POGZ: variants seen among roughly 807,000 people sequenced by gnomAD.
The protein encoded by POGZ is pogo transposable element with ZNF domain.
In POGZ, 17 loss-of-function variants were observed where a neutral mutation model predicts 134.6. That is an observed-to-expected ratio of 0.13 (90% CI 0.09 to 0.19). The LOEUF (loss-of-function observed/expected upper bound fraction) is 0.19, where lower values mean the gene tolerates loss of function less well. Ranked by LOEUF, POGZ falls within the 10% of genes least tolerant of loss-of-function variation. The probability of loss-of-function intolerance (pLI) is 1.00; values close to 1 mark genes in which losing one functional copy is unlikely to be tolerated. For missense variants in POGZ, 1,306 were observed against 1,769.7 expected, an observed-to-expected ratio of 0.74 and a Z score of 4.70; for synonymous variants, 693 against 657.1, an observed-to-expected ratio of 1.05 and a Z score of -0.84.
At chr1:151,417,756 T>C (rs993335492) in intron 10 of POGZ, among the ~76,000 whole-genome samples, 4 of 151,160 alleles carry the variant, frequency 2.6e-5, no homozygotes, top group Non-Finnish European at 4.4e-5. Flanking sequence ...TAGAGCTACA[T>C]ATTAAAATAT....
At chr1:151,423,645 G>T in intron 9 of POGZ, 94 bp from the exon 10 acceptor site, 2 of 977,686 alleles carry the variant, frequency 2.0e-6, no homozygotes, top group Non-Finnish European at 3.0e-6. Context: ...AACATTATCT[G>T]CTCCCCTCCA....
chr1:151,445,144 A>G (rs898500514), intron 1 of POGZ, among the ~76,000 whole-genome samples: 2 of 152,220 alleles, frequency 1.3e-5, no homozygotes, highest in African/African-American at 4.8e-5. Flanking sequence ...CTACTTTTTA[A>G]TCAAGTGAGA....
chr1:151,414,450 T>G (rs948096885), intron 10 of POGZ, among the ~76,000 whole-genome samples: 1 of 152,202 alleles, frequency 6.6e-6, no homozygotes, highest in African/African-American at 2.4e-5. Context: ...ATAAAAACAC[T>G]TATTAAGCAA....
chr1:151,416,316 G>A (rs1010493215), intron 10 of POGZ, among the ~76,000 whole-genome samples: 1 of 151,654 alleles, frequency 6.6e-6, no homozygotes, highest in Non-Finnish European at 1.5e-5. Flanking sequence ...CAGCACTCTG[G>A]GAGGCCAAAG....
intron 1 of POGZ, among the ~76,000 whole-genome samples, chr1:151,458,692 G>A (rs1663088662): frequency 7.2e-6 from 1 of 139,096 alleles, no homozygotes; most frequent in South Asian, 2.3e-4. Context: ...CCGCGCCCCC[G>A]CCCCCGCCCC....
At chr1:151,411,516 A>T in intron 12 of POGZ, 109 bp downstream of exon 12, 1 of 706,260 alleles carries the variant, frequency 1.4e-6, no homozygotes, top group Non-Finnish European at 2.4e-6. Context: ...AAACATATGC[A>T]TATTATAATC....
At chr1:151,418,215 C>CA (rs756434071) in intron 10 of POGZ, among the ~76,000 whole-genome samples, 3,578 of 137,202 alleles carry the variant, frequency 0.026, 126 homozygotes, top group African/African-American at 0.087. Flanking sequence ...GACTCCTTCT[C>CA]AAAAAAAAAA....
intron 10 of POGZ, among the ~76,000 whole-genome samples, chr1:151,423,001 T>C (rs1162168537): frequency 1.3e-5 from 2 of 152,234 alleles, no homozygotes; most frequent in Non-Finnish European, 2.9e-5. Context: ...TTGAAAGCAA[T>C]GTCTTAATGA....
intron 1 of POGZ, among the ~76,000 whole-genome samples, chr1:151,447,876 T>C (rs1661500029): frequency 6.6e-6 from 1 of 152,110 alleles, no homozygotes; most frequent in Admixed American, 6.6e-5. Context: ...AGTTGGCTGC[T>C]GAGTCCTTCT....
intron 7 of POGZ, among the ~76,000 whole-genome samples, chr1:151,426,000 T>C (rs1180676417): frequency 1.3e-5 from 2 of 152,162 alleles, no homozygotes; most frequent in African/African-American, 2.4e-5. Flanking sequence ...TTTCTCCACA[T>C]CCTCAACAAT....
chr1:151,412,418 A>G, intron 10 of POGZ, 22 bp from the exon 11 acceptor site: 1 of 1,319,972 alleles, frequency 7.6e-7, no homozygotes, highest in Admixed American at 1.8e-5. Flanking sequence ...AAAGTAATCA[A>G]TAAATCCACT....
rs1202468644 is a variant in POGZ, at chr1:151,405,010, T to C, written c.4025A>G (p.Asn1342Ser). ...PDGNINSPTR[N>S]ADMQEELIAS... ...AATTAGCTCCTCCTGCATGTCAGCATTTCTTGTAGGTGAGTTAATGTTGCC... is the reference window on the plus strand; with the variant it reads ...AATTAGCTCCTCCTGCATGTCAGCACTTCTTGTAGGTGAGTTAATGTTGCC... The change falls in exon 19 of 19, where the codon AAT becomes AGT. Residue 1342 changes from asparagine (N) to serine (S), a missense_variant. Transcript: ENST00000271715. The surrounding 1 kb of genome is among the most constrained non-coding windows in gnomAD (Gnocchi z 4.9). 22 of 1,614,188 alleles carry C rather than the reference T, an allele frequency of 1.4e-5. No homozygotes were observed. The highest frequency in any genetic ancestry group is 1.9e-5 in the Non-Finnish European group (22 of 1,180,038).
Position 151,405,530 on chromosome 1 carries a change from C to A in POGZ, c.3505G>T (p.Val1169Phe), listed in dbSNP as rs750942347. Reference sequence around the variant, plus strand: ...CTGTAGAAAACCAGGGTGGGAAGGACAGTGCCATCTGCCAGAATGGCTAGG... The same window carrying A: ...CTGTAGAAAACCAGGGTGGGAAGGAAAGTGCCATCTGCCAGAATGGCTAGG... Reference protein sequence around the residue: ...VVLAILADGTVLPTLVFYRGQ... With the variant: ...VVLAILADGTFLPTLVFYRGQ... Residue 1169 changes from valine to phenylalanine, a missense_variant, in exon 19 of 19, where the codon GTC becomes TTC. Val to Phe is a conservative substitution (Grantham distance 50). This residue lies in a region of POGZ where 161 missense variants were observed against 185.4 expected (regional missense o/e 0.87). Transcript: ENST00000271715. This position sits in a 1 kb window ranked among gnomAD's most constrained non-coding sequence, Gnocchi z 4.9. The A allele has an allele frequency of 6.2e-7, 1 of 1,614,236 alleles. No homozygotes were observed. The highest frequency in any genetic ancestry group is 8.5e-7 in the Non-Finnish European group (1 of 1,180,034).
At chr1:151,412,952 T>A (rs369299343) in intron 10 of POGZ, among the ~76,000 whole-genome samples, 2 of 152,278 alleles carry the variant, frequency 1.3e-5, no homozygotes, top group East Asian at 1.9e-4. Context: ...CAAAATTTTA[T>A]GACACAAATG....
At chr1:151,412,424 C>T (rs768956057) in intron 10 of POGZ, 28 bp from the exon 11 acceptor site, 2 of 1,278,928 alleles carry the variant, frequency 1.6e-6, no homozygotes, top group Non-Finnish European at 2.3e-6. Context: ...ATCAATAAAT[C>T]CACTTGAAAA....
intron 1 of POGZ, among the ~76,000 whole-genome samples, chr1:151,443,065 C>A (rs1166569061): frequency 1.3e-5 from 2 of 152,042 alleles, no homozygotes; most frequent in Non-Finnish European, 2.9e-5. Flanking sequence ...TGTGTAATAC[C>A]CAGGGCCAGG....
chr1:151,427,995 G>T lies in POGZ; in HGVS notation c.906C>A (p.Val302=). 6.2e-7 allele frequency: 1 copy of T among 1,614,196 alleles called. No homozygotes were observed. Among genetic ancestry groups the T allele is most frequent in the South Asian group, 1.1e-5 (1 of 91,076 alleles). The change falls in exon 7 of 19, where the codon GTC becomes GTA. Residue 302 remains valine, a synonymous_variant. Coordinates refer to ENST00000271715, the MANE Select transcript of POGZ (RefSeq NM_015100.4). ...CTGTAACACCAGGTCGCTTCACAGTGACAAAGCTGGCAATGCTCACTGCAG... is the reference window on the plus strand; with the variant it reads ...CTGTAACACCAGGTCGCTTCACAGTTACAAAGCTGGCAATGCTCACTGCAG... ...SPPAVSIASF[V]TVKRPGVTGE...
Position 151,408,785 on chromosome 1 carries a change from A to G in POGZ, c.1970T>C (p.Leu657Pro). 6.2e-7 allele frequency: 1 copy of G among 1,614,094 alleles called. No homozygotes were observed. The highest frequency in any genetic ancestry group is 8.5e-7 in the Non-Finnish European group (1 of 1,179,982). ...GTGTTCAATTTTGTCCTTGGCAAAG[A>G]GAAACTGCAGCCGGCATTTGTTGCA... ...YHCNKCRLQF[L>P]FAKDKIEHKL... The change falls in exon 13 of 19, where the codon CTC becomes CCC. Residue 657 changes from leucine to proline, a missense_variant. Leu to Pro is a moderately conservative substitution (Grantham distance 98). Around this residue, in one of 10 missense-constraint regions of POGZ, gnomAD observed 149 missense variants for 237.5 expected, o/e 0.63. Coordinates refer to ENST00000271715, the MANE Select transcript of POGZ (RefSeq NM_015100.4).
intron 10 of POGZ, among the ~76,000 whole-genome samples, chr1:151,420,132 G>T (rs1468803862): frequency 6.6e-6 from 1 of 152,076 alleles, no homozygotes; most frequent in Non-Finnish European, 1.5e-5. Context: ...AGGCTGCAGT[G>T]AGCTAAGATT....
Sources: gnomAD v4.1 joint callset for allele counts (sites outside exome capture counted in the v4.1 genomes callset) on GRCh38, gnomAD v4.1.1 for gene constraint, gnomAD v4.1.1 regional missense constraint, Gnocchi (gnomAD v3.1) non-coding constraint, MANE v1.5 for transcripts, NCBI Gene and HGNC (gene_info 2026-07-23, HGNC 2026-07-21) for gene names.